STK3: variants seen among roughly 807,000 people sequenced by gnomAD.
STK3 encodes the protein serine/threonine kinase 3.
In STK3, 41 loss-of-function variants were observed where a neutral mutation model predicts 58.0. The ratio of observed to expected loss-of-function variants is 0.71; its 90% CI spans 0.55 to 0.92. The LOEUF (loss-of-function observed/expected upper bound fraction) is 0.92, where lower values mean the gene tolerates loss of function less well. STK3 is among the 40% of genes least tolerant of loss of function. The pLI, the probability that STK3 is intolerant of heterozygous loss-of-function variation, is 0.00. For synonymous variants in STK3, 170 were observed against 191.0 expected (o/e 0.89, Z 0.91); for missense variants, 479 against 602.7 (o/e 0.79, Z 2.15).
chr8:98,774,561 A>T (rs1296361642), intron 2 of STK3, among the ~76,000 whole-genome samples, 178 bp downstream of exon 2: 1 of 152,218 alleles, frequency 6.6e-6, no homozygotes, highest in Non-Finnish European at 1.5e-5. Flanking sequence ...CTGAAAAAAC[A>T]CTATTACCAG....
At chr8:98,360,563 A>C in the STK3 span, among the ~76,000 whole-genome samples, 3 of 150,736 alleles carry the variant, frequency 2.0e-5, no homozygotes, top group Admixed American at 2.0e-4. Context: ...AAACAGTAAG[A>C]TCTATTTTTA....
chr8:98,914,101 A>G (rs1839252147), intron 1 of STK3, among the ~76,000 whole-genome samples: 1 of 152,078 alleles, frequency 6.6e-6, no homozygotes, highest in Non-Finnish European at 1.5e-5. Context: ...CAATATGTCC[A>G]TGTAACACAT....
At chr8:98,941,604 A>AGG (rs1840434603) in intron 1 of STK3, among the ~76,000 whole-genome samples, 1 of 152,004 alleles carries the variant, frequency 6.6e-6, no homozygotes, top group Admixed American at 6.5e-5. Context: ...CTGAGAGTCA[A>AGG]CTCCAGGGAA....
At chr8:98,684,954 T>C (rs369449357) in intron 6 of STK3, among the ~76,000 whole-genome samples, 3 of 152,198 alleles carry the variant, frequency 2.0e-5, no homozygotes, top group East Asian at 3.8e-4. Context: ...CATGTATATT[T>C]TGTTTCACTT....
At chr8:98,682,433 A>G (rs376460044) in intron 6 of STK3, among the ~76,000 whole-genome samples, 18 of 152,302 alleles carry the variant, frequency 1.2e-4, no homozygotes, top group African/African-American at 4.3e-4. Context: ...GAGCATTCCA[A>G]TTAAAATGGT....
chr8:98,497,055 C>T (rs947666824), intron 10 of STK3, among the ~76,000 whole-genome samples: 4 of 151,974 alleles, frequency 2.6e-5, no homozygotes, highest in Non-Finnish European at 5.9e-5. Flanking sequence ...AAACTTACTA[C>T]GGAGCTACAG....
intron 7 of STK3, among the ~76,000 whole-genome samples, chr8:98,591,167 A>G (rs865957264): frequency 1.3e-5 from 2 of 152,342 alleles, no homozygotes; most frequent in Middle Eastern, 3.4e-3. Flanking sequence ...TATGTGGTAC[A>G]ATACTCTCTT....
intron 6 of STK3, among the ~76,000 whole-genome samples, chr8:98,662,459 A>G (rs1822034659): frequency 6.6e-6 from 1 of 152,220 alleles, no homozygotes; most frequent in Non-Finnish European, 1.5e-5. Flanking sequence ...TCTATGATCC[A>G]TATGTAGGCC....
intron 1 of STK3, among the ~76,000 whole-genome samples, chr8:98,899,784 T>C (rs1341510846): frequency 1.3e-5 from 2 of 152,152 alleles, no homozygotes; most frequent in African/African-American, 2.4e-5. Flanking sequence ...AACCTTCCCA[T>C]AGCCAGTTAA....
chr8:98,679,661 C>T (rs1049844622), intron 6 of STK3, among the ~76,000 whole-genome samples: 1 of 152,148 alleles, frequency 6.6e-6, no homozygotes, highest in African/African-American at 2.4e-5. Flanking sequence ...GGTAGGTACT[C>T]AATATATATC....
intron 3 of STK3, among the ~76,000 whole-genome samples, chr8:98,759,017 CCACT>C (rs1458937627): frequency 6.6e-6 from 1 of 152,216 alleles, no homozygotes; most frequent in Non-Finnish European, 1.5e-5. Context: ...TCTATCCAGA[CCACT>C]CAAACTGTCT....
At chr8:98,474,674 C>G in intron 10 of STK3, among the ~76,000 whole-genome samples, 1 of 152,178 alleles carries the variant, frequency 6.6e-6, no homozygotes, top group East Asian at 1.9e-4. Context: ...TGATGAAGTT[C>G]TATTCATCTT....
intron 10 of STK3, among the ~76,000 whole-genome samples, chr8:98,498,469 A>T (rs1734027822): frequency 6.6e-6 from 1 of 152,168 alleles, no homozygotes; most frequent in Non-Finnish European, 1.5e-5. Flanking sequence ...GCAAAGCATG[A>T]CATGGCCCTG....
chr8:98,518,163 A>C (rs1825077724), intron 10 of STK3, among the ~76,000 whole-genome samples: 1 of 152,084 alleles, frequency 6.6e-6, no homozygotes, highest in Admixed American at 6.6e-5. Flanking sequence ...GTTGACAAGA[A>C]ACCACATACT....
intron 2 of STK3, among the ~76,000 whole-genome samples, chr8:98,773,920 C>T (rs1831493725): frequency 6.6e-6 from 1 of 151,986 alleles, no homozygotes; most frequent in Non-Finnish European, 1.5e-5. Flanking sequence ...CCTCAGCTTC[C>T]CGAATAGCTG....
chr8:98,488,954 G>A (rs76029845), intron 10 of STK3, among the ~76,000 whole-genome samples: 7 of 152,124 alleles, frequency 4.6e-5, no homozygotes, highest in Non-Finnish European at 1.0e-4. Context: ...GATGGCTGGG[G>A]CATGCCCATT....
At chr8:98,770,228 T>C (rs553505327) in intron 2 of STK3, among the ~76,000 whole-genome samples, 2 of 152,216 alleles carry the variant, frequency 1.3e-5, no homozygotes, top group South Asian at 4.2e-4. Context: ...CATGCAGTGG[T>C]CCTCCAGACC....
intron 5 of STK3, 88 bp from the exon 6 acceptor site, chr8:98,706,722 C>A (rs1825989085): frequency 2.3e-6 from 3 of 1,310,636 alleles, no homozygotes; most frequent in Admixed American, 5.3e-5. Context: ...AATGTTAAAA[C>A]CTCCAATGCC....
intron 1 of STK3, among the ~76,000 whole-genome samples, chr8:98,446,135 A>G (rs1563610853): frequency 6.6e-6 from 1 of 152,194 alleles, no homozygotes. Flanking sequence ...GCCCTCCTCA[A>G]AGTGCCTTTC....
Sources: allele counts gnomAD v4.1 joint callset (sites outside exome capture counted in the v4.1 genomes callset), GRCh38; gene constraint gnomAD v4.1.1; transcripts MANE v1.5; gene names NCBI Gene and HGNC (gene_info 2026-07-23, HGNC 2026-07-21).